STN1: variants seen among roughly 807,000 people sequenced by gnomAD.
STN1 encodes the protein STN1 subunit of CST complex, also known as CST complex subunit STN1.
Under a neutral mutation model 45.5 loss-of-function variants are expected in STN1, and 29 were observed. That is an observed-to-expected ratio of 0.64 (90% CI 0.47 to 0.87). The LOEUF is 0.87. Among genes scored for constraint, STN1 ranks in the 40% least tolerant of loss-of-function variants. The pLI, the probability that STN1 is intolerant of heterozygous loss-of-function variation, is 0.00. For synonymous variants in STN1, 148 were observed against 159.0 expected (o/e 0.93, Z 0.52); for missense variants, 376 against 441.4 (o/e 0.85, Z 1.33).
intron 3 of STN1, among the ~76,000 whole-genome samples, chr10:103,909,370 A>ATATATATATGTATATATATGTATATATG (rs1564634882): frequency 9.2e-6 from 1 of 108,232 alleles, no homozygotes; most frequent in Non-Finnish European, 1.9e-5. Flanking sequence ...AAAAAAATAT[A>ATATATATATGTATATATATGTATATATG]TATATATATG....
intron 7 of STN1, among the ~76,000 whole-genome samples, chr10:103,892,591 A>G (rs1276486420): frequency 7.9e-5 from 12 of 152,120 alleles, no homozygotes; most frequent in Non-Finnish European, 1.6e-4. Context: ...CTGTATATAT[A>G]TATTAGCCCC....
At chr10:103,896,497 G>T (rs1843171883) in intron 7 of STN1, among the ~76,000 whole-genome samples, 2 of 152,108 alleles carry the variant, frequency 1.3e-5, no homozygotes, top group Admixed American at 6.5e-5. Context: ...CCTAAGAACT[G>T]CAATGAAAGG....
At chr10:103,885,086 C>T (rs931462278) in intron 9 of STN1, among the ~76,000 whole-genome samples, 5 of 152,162 alleles carry the variant, frequency 3.3e-5, no homozygotes, top group South Asian at 4.1e-4. Flanking sequence ...AAGTCACTCC[C>T]GGGAACAAAA....
At chr10:103,885,911 C>T (rs1843100163) in intron 9 of STN1, among the ~76,000 whole-genome samples, 1 of 152,168 alleles carries the variant, frequency 6.6e-6, no homozygotes, top group African/African-American at 2.4e-5. Flanking sequence ...TTCCCAAGAA[C>T]TTTCACATGT....
chr10:103,895,680 T>G (rs923660837), intron 7 of STN1, among the ~76,000 whole-genome samples: 3 of 152,100 alleles, frequency 2.0e-5, no homozygotes, highest in African/African-American at 7.2e-5. Context: ...AAGAGATAAT[T>G]AGGAGCACAA....
At position 103,914,374 on chromosome 10, in the gene STN1, A is replaced by ATAT. The variant is rs1554837551; in HGVS notation, c.133+3087_133+3088insATA. On this transcript the variant is annotated intron_variant, in intron 2 of 9. Transcript: ENST00000224950. ...TATATATATATATATATATATATAT[A>ATAT]TTTTTTTTTTTTTTTTTTGAGACAG... is the stretch of plus-strand genomic sequence containing the variant. 7.6e-4 allele frequency among the ~76,000 whole-genome samples: 74 copies of ATAT among 97,360 alleles called. 5 individuals are homozygous for ATAT. The highest frequency in any genetic ancestry group is 3.5e-3 in the African/African-American group (72 of 20,424). 63.9% of individuals were successfully genotyped at this position (97,360 alleles called of 152,430 possible). A position where few individuals can be genotyped will look rare whatever the true frequency, so the allele number is the denominator to read the frequency against.
intron 7 of STN1, among the ~76,000 whole-genome samples, chr10:103,894,326 C>A (rs1049460903): frequency 4.6e-5 from 7 of 152,002 alleles, no homozygotes; most frequent in African/African-American, 1.7e-4. Context: ...TCTTGGTTAT[C>A]CCCAAACCAT....
At chr10:103,896,149 A>C (rs1350248565) in intron 7 of STN1, among the ~76,000 whole-genome samples, 1 of 152,228 alleles carries the variant, frequency 6.6e-6, no homozygotes, top group East Asian at 1.9e-4. Flanking sequence ...TTTGTGGGAC[A>C]ATTTGAATTT....
At chr10:103,910,194 T>C (rs1843280433) in intron 3 of STN1, among the ~76,000 whole-genome samples, 2 of 152,198 alleles carry the variant, frequency 1.3e-5, no homozygotes, top group South Asian at 4.1e-4. Context: ...AACCACATAT[T>C]ACCACGCTTT....
Position 103,917,634 on chromosome 10 carries a change from T to C in STN1, c.-40A>G, listed in dbSNP as rs542027571. Reference sequence around the variant, plus strand: ...GTGGCTTCCAGCTAACTCTGAAAGGTTCTGCATCACTGAGTCAAGCATCTA... The same window carrying C: ...GTGGCTTCCAGCTAACTCTGAAAGGCTCTGCATCACTGAGTCAAGCATCTA... On this transcript the variant is annotated 5_prime_UTR_variant, in exon 2 of 10. Coordinates refer to ENST00000224950, the MANE Select transcript of STN1 (RefSeq NM_024928.5). 2.5e-6 allele frequency: 4 copies of C among 1,604,414 alleles called. No individual in the cohort carries two copies. The highest frequency in any genetic ancestry group is 1.7e-4 in the Middle Eastern group (1 of 6,002).
chr10:103,899,147 T>C (rs372985127), intron 5 of STN1, 147 bp from the exon 6 acceptor site: 2 of 764,752 alleles, frequency 2.6e-6, no homozygotes, highest in African/African-American at 1.7e-5. Context: ...GATCACAGTC[T>C]AGATGCACTA....
rs1843188867 is a variant in STN1, at chr10:103,898,880, A to G, written c.578T>C (p.Leu193Pro). Residue 193 changes from leucine to proline, a missense_variant, in exon 6 of 10, where the codon CTA (leucine) becomes CCA (proline). Coordinates refer to ENST00000224950, the MANE Select transcript of STN1 (RefSeq NM_024928.5). ...GCAGTGATAAGTCACCACTTACCTT[A>G]GTGCCTCTTCTTTCTCTAGGGCTGA... is the stretch of plus-strand genomic sequence containing the variant. Reference protein sequence around the residue: ...HSSALEKEEALSNPGALDLPS... With the variant: ...HSSALEKEEAPSNPGALDLPS... 1.2e-6 allele frequency: 2 copies of G among 1,613,774 alleles called. No homozygotes were observed. Among genetic ancestry groups the G allele is most frequent in the African/African-American group, 2.7e-5 (2 of 75,018 alleles).
intron 7 of STN1, among the ~76,000 whole-genome samples, chr10:103,892,583 G>A (rs1469292959): frequency 6.6e-6 from 1 of 151,680 alleles, no homozygotes; most frequent in East Asian, 1.9e-4. Context: ...CCAAAACACT[G>A]TATATATATA....
chr10:103,895,578 T>G (rs1263136428), intron 7 of STN1, among the ~76,000 whole-genome samples: 1 of 152,228 alleles, frequency 6.6e-6, no homozygotes, highest in Middle Eastern at 3.2e-3. Flanking sequence ...CAGCCAGTCG[T>G]GACCCTTTCC....
Position 103,881,526 on chromosome 10 carries a change from A to G in STN1, c.*1158T>C, listed in dbSNP as rs375743857. ...TGACAGGAGGCAATCTACTGGTTCTAGCTCTCAGCCTGACGTATCGAGCTG... is the reference window on the plus strand; with the variant it reads ...TGACAGGAGGCAATCTACTGGTTCTGGCTCTCAGCCTGACGTATCGAGCTG... On this transcript the variant is annotated 3_prime_UTR_variant, in exon 10 of 10. Coordinates refer to ENST00000224950, the MANE Select transcript of STN1 (RefSeq NM_024928.5). Among the ~76,000 whole-genome samples the G allele has an allele frequency of 1.3e-5, 2 of 152,218 alleles. No individual in the cohort carries two copies. The highest frequency in any genetic ancestry group is 1.9e-4 in the East Asian group (1 of 5,190).
At chr10:103,899,594 G>A (rs978431966) in intron 5 of STN1, among the ~76,000 whole-genome samples, 9 of 149,976 alleles carry the variant, frequency 6.0e-5, no homozygotes, top group Non-Finnish European at 1.2e-4. Context: ...GGCTGAGGTG[G>A]GAGAATCTCC....
intron 2 of STN1, among the ~76,000 whole-genome samples, chr10:103,911,925 C>T (rs79342925): frequency 0.012 from 1,840 of 152,222 alleles, 49 homozygotes; most frequent in East Asian, 0.074. Context: ...GCCTCAGTTA[C>T]AGAGAGACAC....
rs917490093 is a variant in STN1 at position 103,882,325 on chromosome 10, C to T, written c.*359G>A. ...CCTCAGTTCCTGAATGTTCACTACC[C>T]TGTGGTGTCCCTTTGCCATGGAAGA... On this transcript the variant is annotated 3_prime_UTR_variant, in exon 10 of 10. Coordinates refer to ENST00000224950, the MANE Select transcript of STN1 (RefSeq NM_024928.5). Among the ~76,000 whole-genome samples the T allele has an allele frequency of 3.3e-5, 5 of 152,236 alleles. No homozygotes were observed. The highest frequency in any genetic ancestry group is 7.3e-5 in the Non-Finnish European group (5 of 68,036).
intron 4 of STN1, among the ~76,000 whole-genome samples, chr10:103,900,425 C>T (rs193146330): frequency 6.2e-4 from 95 of 152,232 alleles, no homozygotes; most frequent in African/African-American, 2.2e-3. Context: ...TATTCAAGAG[C>T]GGGGTGAAAG....
Sources: allele counts gnomAD v4.1 joint callset (sites outside exome capture counted in the v4.1 genomes callset), GRCh38; gene constraint gnomAD v4.1.1; transcripts MANE v1.5; gene names NCBI Gene and HGNC (gene_info 2026-07-23, HGNC 2026-07-21).